Variants in ARHGAP32 observed in about 807,000 individuals in gnomAD.
ARHGAP32 encodes Rho GTPase activating protein 32.
In ARHGAP32, 51 loss-of-function variants were observed where a neutral mutation model predicts 186.5. That is an observed-to-expected ratio of 0.27 (90% CI 0.22 to 0.35). The LOEUF (loss-of-function observed/expected upper bound fraction) is 0.35, where lower values mean the gene tolerates loss of function less well. ARHGAP32 is among the 10% of genes least tolerant of loss of function. ARHGAP32 has a pLI of 1.00. For synonymous variants in ARHGAP32, 950 were observed against 964.3 expected, an observed-to-expected ratio of 0.99 and a Z score of 0.27; for missense variants, 2,186 against 2,623.5, an observed-to-expected ratio of 0.83 and a Z score of 3.64.
At chr11:129,172,424 A>C (rs1481375211) in intron 1 of ARHGAP32, among the ~76,000 whole-genome samples, 1 of 152,222 alleles carries the variant, frequency 6.6e-6, no homozygotes, top group Non-Finnish European at 1.5e-5. Context: ...CTGTTGAGAT[A>C]ATCATGTGGT....
At chr11:129,128,024 A>C (rs1942703685) in intron 2 of ARHGAP32, among the ~76,000 whole-genome samples, 2 of 152,168 alleles carry the variant, frequency 1.3e-5, no homozygotes, top group Admixed American at 6.5e-5. Context: ...ATTCAATAAC[A>C]ATTTTTATTT....
intron 1 of ARHGAP32, among the ~76,000 whole-genome samples, chr11:129,187,395 C>G (rs2439793): frequency 2.0e-5 from 3 of 150,640 alleles, no homozygotes; most frequent in Admixed American, 1.3e-4. Context: ...TAGTGGGAGG[C>G]TGGTGGGGAT....
At chr11:129,082,882 AAAC>A (rs749344692) in intron 6 of ARHGAP32, among the ~76,000 whole-genome samples, 2,087 of 151,632 alleles carry the variant, frequency 0.014, 18 homozygotes, top group Non-Finnish European at 0.022. Context: ...CAGCAAGACA[AAAC>A]AACAACAACA....
At chr11:129,183,817 C>G (rs1411556096) in intron 1 of ARHGAP32, among the ~76,000 whole-genome samples, 1 of 152,078 alleles carries the variant, frequency 6.6e-6, no homozygotes, top group Non-Finnish European at 1.5e-5. Flanking sequence ...TGAATGTTCC[C>G]TGCAGAAAAG....
chr11:129,213,631 A>C (rs1381094867), intron 1 of ARHGAP32, among the ~76,000 whole-genome samples: 1 of 152,148 alleles, frequency 6.6e-6, no homozygotes, highest in African/African-American at 2.4e-5. Context: ...CATTTAATGT[A>C]ATATAAATAG....
intron 6 of ARHGAP32, among the ~76,000 whole-genome samples, chr11:129,079,289 C>T (rs930815050): frequency 6.6e-6 from 1 of 152,140 alleles, no homozygotes; most frequent in Non-Finnish European, 1.5e-5. Flanking sequence ...AAATGATCAT[C>T]ACCTAGGCCC....
intron 6 of ARHGAP32, among the ~76,000 whole-genome samples, chr11:129,070,197 G>C (rs375842096): frequency 6.6e-6 from 1 of 152,068 alleles, no homozygotes; most frequent in African/African-American, 2.4e-5. Flanking sequence ...CTGTAAAATG[G>C]GGAGGCTAAT....
At chr11:129,090,691 T>C (rs1941549570) in intron 6 of ARHGAP32, among the ~76,000 whole-genome samples, 2 of 152,252 alleles carry the variant, frequency 1.3e-5, no homozygotes, top group East Asian at 1.9e-4. Flanking sequence ...AAAATGAACA[T>C]TTAAAAGCTG....
chr11:129,064,014 T>C lies in ARHGAP32; in HGVS notation c.773A>G (p.Lys258Arg). The C allele has an allele frequency of 6.2e-7, 1 of 1,608,178 alleles. No homozygotes were observed. Among genetic ancestry groups the C allele is most frequent in the Non-Finnish European group, 8.5e-7 (1 of 1,177,888 alleles). ...CTCATGAACCAAAAGGTGATTTCCC[T>C]TATTATCAATCTATCACAAAGAAAA... Reference protein sequence around the residue: ...PALTWMEIDNKGNHLLVHEES... With the variant: ...PALTWMEIDNRGNHLLVHEES... The change falls in exon 9 of 23, where the codon AAG becomes AGG. Residue 258 changes from lysine to arginine, a missense_variant. Lys to Arg is a conservative substitution (Grantham distance 26). This residue lies in a region of ARHGAP32 where 308 missense variants were observed against 596.5 expected (regional missense o/e 0.52). Transcript: ENST00000682385.
intron 11 of ARHGAP32, among the ~76,000 whole-genome samples, chr11:129,016,844 C>G (rs1317911824): frequency 2.0e-5 from 3 of 152,158 alleles, no homozygotes; most frequent in African/African-American, 7.2e-5. Context: ...TTTCCATGAA[C>G]ATAATAGATC....
At chr11:128,988,529 AATAT>A (rs1437189364) in intron 12 of ARHGAP32, among the ~76,000 whole-genome samples, 4 of 152,220 alleles carry the variant, frequency 2.6e-5, no homozygotes, top group Non-Finnish European at 5.9e-5. Flanking sequence ...ATAGCAAATG[AATAT>A]ATAAAGTTAA....
chr11:129,221,790 T>G (rs1944715687), intron 1 of ARHGAP32, among the ~76,000 whole-genome samples: 1 of 152,004 alleles, frequency 6.6e-6, no homozygotes, highest in Non-Finnish European at 1.5e-5. Flanking sequence ...CTAGTCTGGA[T>G]GACAGAAGAA....
chr11:129,225,638 AAT>A (rs1944771325), intron 1 of ARHGAP32, among the ~76,000 whole-genome samples: 1 of 152,176 alleles, frequency 6.6e-6, no homozygotes, highest in African/African-American at 2.4e-5. Context: ...CCTGGAGCCA[AAT>A]ATGATTTTCA....
chr11:129,199,864 A>C (rs999812074), intron 1 of ARHGAP32, among the ~76,000 whole-genome samples: 12 of 152,186 alleles, frequency 7.9e-5, no homozygotes, highest in African/African-American at 2.9e-4. Context: ...CAGCCTGTGA[A>C]AGCAGCCAGG....
At chr11:129,110,451 G>A (rs1942177250) in intron 5 of ARHGAP32, among the ~76,000 whole-genome samples, 1 of 152,008 alleles carries the variant, frequency 6.6e-6, no homozygotes, top group Admixed American at 6.6e-5. Flanking sequence ...ATAAATGTTA[G>A]GATTGTTTTT....
chr11:129,242,347 A>G (rs1056536302), intron 1 of ARHGAP32, among the ~76,000 whole-genome samples: 7 of 152,270 alleles, frequency 4.6e-5, no homozygotes, highest in Non-Finnish European at 8.8e-5. Flanking sequence ...GAGCTGTTAC[A>G]CTCACTTATG....
chr11:129,132,226 C>T (rs961052964), intron 2 of ARHGAP32, among the ~76,000 whole-genome samples: 1 of 152,200 alleles, frequency 6.6e-6, no homozygotes, highest in African/African-American at 2.4e-5. Context: ...TGCCTGTAAT[C>T]CCAAGACTTT....
At chr11:129,012,299 G>A (rs935805365) in intron 11 of ARHGAP32, among the ~76,000 whole-genome samples, 2 of 152,094 alleles carry the variant, frequency 1.3e-5, no homozygotes. Context: ...ACAATTATAA[G>A]ATCTAAAAGG....
chr11:129,134,862 A>G (rs1942900370), intron 2 of ARHGAP32, among the ~76,000 whole-genome samples: 1 of 152,182 alleles, frequency 6.6e-6, no homozygotes, highest in African/African-American at 2.4e-5. Context: ...TGCCACATCT[A>G]AGAAAGAAAC....
Sources: gnomAD v4.1 joint callset for allele counts (sites outside exome capture counted in the v4.1 genomes callset) on GRCh38, gnomAD v4.1.1 for gene constraint, gnomAD v4.1.1 regional missense constraint, MANE v1.5 for transcripts, NCBI Gene and HGNC (gene_info 2026-07-23, HGNC 2026-07-21) for gene names.